Variants in PAK5 observed in about 807,000 individuals in gnomAD.
PAK5 encodes serine/threonine-protein kinase PAK 5.
In PAK5, 16 loss-of-function variants were observed where a neutral mutation model predicts 65.9. The ratio of observed to expected loss-of-function variants is 0.24; its 90% confidence interval spans 0.16 to 0.37. PAK5 has a LOEUF of 0.37. Among genes scored for constraint, PAK5 ranks in the 10% least tolerant of loss-of-function variants. The probability of loss-of-function intolerance (pLI) is 1.00; values close to 1 mark genes in which losing one functional copy is unlikely to be tolerated. For missense variants in PAK5, 785 were observed against 903.9 expected (o/e 0.87, Z 1.69); for synonymous variants, 371 against 354.9 (o/e 1.05, Z -0.51).
chr20:9,687,308 T>C (rs2423421), intron 2 of PAK5, among the ~76,000 whole-genome samples: 54,628 of 152,186 alleles, frequency 0.36, 11,947 homozygotes, highest in African/African-American at 0.62. Context: ...TTCTCATTTT[T>C]AGGAAGCTTG....
chr20:9,571,171 G>C (rs1291053651), intron 4 of PAK5, among the ~76,000 whole-genome samples: 1 of 152,304 alleles, frequency 6.6e-6, no homozygotes, highest in South Asian at 2.1e-4. Flanking sequence ...TCAAGTGAGG[G>C]GACATGTAGT....
At chr20:9,539,874 G>T (rs1400301414) in intron 9 of PAK5, among the ~76,000 whole-genome samples, 1 of 152,194 alleles carries the variant, frequency 6.6e-6, no homozygotes, top group Non-Finnish European at 1.5e-5. Flanking sequence ...TAAAATAACA[G>T]TGGCAATCAC....
At chr20:9,692,153 A>G (rs1170212179) in intron 2 of PAK5, among the ~76,000 whole-genome samples, 1 of 152,180 alleles carries the variant, frequency 6.6e-6, no homozygotes, top group Non-Finnish European at 1.5e-5. Flanking sequence ...GTACTTGAGC[A>G]TAGTCAGAAT....
Position 9,542,682 on chromosome 20 carries a change from C to T in PAK5, c.1908G>A (p.Met636Ile), listed in dbSNP as rs867092977. 6.2e-7 allele frequency: 1 copy of T among 1,614,074 alleles called. No individual in the cohort carries two copies. Among genetic ancestry groups the T allele is most frequent in the Non-Finnish European group, 8.5e-7 (1 of 1,179,912 alleles). ...TGAAGTAGGGGGGCTCGCCATCAAT[C>T]ATTTCTATCACCATGATCCCGAGGG... Reference protein sequence around the residue: ...IWSLGIMVIEMIDGEPPYFNE... With the variant: ...IWSLGIMVIEIIDGEPPYFNE... The change falls in exon 9 of 10, where the codon ATG becomes ATA. Residue 636 changes from methionine to isoleucine, a missense_variant. Around this residue, in one of 4 missense-constraint regions of PAK5, gnomAD observed 110 missense variants for 107.4 expected, o/e 1.02. Transcript: ENST00000353224.
chr20:9,771,582 A>AT (rs545140358), intron 1 of PAK5, among the ~76,000 whole-genome samples: 1,384 of 109,748 alleles, frequency 0.013, 32 homozygotes, highest in South Asian at 0.045. Context: ...CAATTTTTTA[A>AT]TTTTTTTTTT....
At position 9,685,553 on chromosome 20, in the gene PAK5, C is replaced by A. The variant is rs552902496; in HGVS notation, c.-12+25733G>T. On this transcript the variant is annotated intron_variant, in intron 2 of 9. Coordinates refer to ENST00000353224, the MANE Select transcript of PAK5 (RefSeq NM_177990.4). The stretch of plus-strand genomic sequence containing the variant: ...GTGGAACAGATTTTTTCCCTCACAG[C>A]TCTCAGAAGGAACCAACCTTGCTGA... Among the ~76,000 whole-genome samples the A allele has an allele frequency of 4.6e-5, 7 of 152,256 alleles. No homozygotes were observed. In the South Asian group the frequency reaches 1.5e-3, roughly 32 times the overall value.
At chr20:9,801,114 T>C (rs1172548301) in intron 1 of PAK5, among the ~76,000 whole-genome samples, 1 of 152,138 alleles carries the variant, frequency 6.6e-6, no homozygotes, top group African/African-American at 2.4e-5. Context: ...GGTTTCCTAC[T>C]TCAATATTAC....
chr20:9,755,617 A>T (rs965492099), intron 1 of PAK5, among the ~76,000 whole-genome samples: 1 of 152,180 alleles, frequency 6.6e-6, no homozygotes, highest in Non-Finnish European at 1.5e-5. Flanking sequence ...GCATGCAGAG[A>T]TGCAAAACAC....
intron 3 of PAK5, among the ~76,000 whole-genome samples, chr20:9,617,845 A>T (rs1304944753): frequency 6.6e-6 from 1 of 152,012 alleles, no homozygotes; most frequent in Admixed American, 6.6e-5. Context: ...GTGAGCCACG[A>T]CGCCCGGCAA....
chr20:9,790,234 C>G (rs1394871555), intron 1 of PAK5, among the ~76,000 whole-genome samples: 1 of 152,036 alleles, frequency 6.6e-6, no homozygotes, highest in Non-Finnish European at 1.5e-5. Flanking sequence ...CAATACAAAC[C>G]TTATTGGTGC....
rs189942814 is a variant in PAK5, at chr20:9,827,794, G to A, written c.-162+10968C>T. ...GAGTGGCAGTGGAGACAGGGAAGGG[G>A]GCACATGCAAAAAATGTTTTTTAGG... On this transcript the variant is annotated intron_variant, in intron 1 of 9. Transcript: ENST00000353224. Among the ~76,000 whole-genome samples the A allele has an allele frequency of 8.3e-4, 125 of 149,966 alleles. 1 individual carries two copies. The Middle Eastern group carries it at 0.017, about 21-fold the overall frequency.
intron 2 of PAK5, among the ~76,000 whole-genome samples, chr20:9,710,105 A>G (rs2123484689): frequency 6.6e-6 from 1 of 152,248 alleles, no homozygotes; most frequent in Middle Eastern, 3.4e-3. Context: ...ATGCTTGACT[A>G]AGTCACTAGT....
intron 3 of PAK5, among the ~76,000 whole-genome samples, chr20:9,638,363 T>C (rs1020693070): frequency 4.6e-5 from 7 of 152,238 alleles, no homozygotes; most frequent in African/African-American, 7.2e-5. Context: ...ATGGCCTACA[T>C]GGCTAGCCCA....
chr20:9,731,740 T>A (rs938390176), intron 1 of PAK5, among the ~76,000 whole-genome samples: 4 of 152,164 alleles, frequency 2.6e-5, no homozygotes, highest in African/African-American at 9.7e-5. Flanking sequence ...GTAGAGGAAG[T>A]ATGTTAATGG....
At chr20:9,572,728 AC>A (rs1244213723) in intron 4 of PAK5, among the ~76,000 whole-genome samples, 6 of 152,232 alleles carry the variant, frequency 3.9e-5, no homozygotes, top group African/African-American at 1.4e-4. Flanking sequence ...ACCCTTGCAG[AC>A]CTTACAGCAA....
intron 1 of PAK5, among the ~76,000 whole-genome samples, chr20:9,822,143 G>T (rs975367732): frequency 6.6e-6 from 1 of 152,018 alleles, no homozygotes; most frequent in Non-Finnish European, 1.5e-5. Flanking sequence ...CAAAAAATTA[G>T]CCAGGTGTGG....
intron 1 of PAK5, among the ~76,000 whole-genome samples, chr20:9,732,500 C>T (rs1471831679): frequency 1.3e-5 from 2 of 152,204 alleles, no homozygotes; most frequent in African/African-American, 2.4e-5. Context: ...ACATTGTTGA[C>T]ATTTTAGTCT....
At chr20:9,765,826 A>G (rs1436821768) in intron 1 of PAK5, among the ~76,000 whole-genome samples, 1 of 152,226 alleles carries the variant, frequency 6.6e-6, no homozygotes, top group African/African-American at 2.4e-5. Context: ...AGGACTTCAA[A>G]AAGTCAAAAG....
chr20:9,539,674 C>G, intron 9 of PAK5, 57 bp from the exon 10 acceptor site: 1 of 1,446,852 alleles, frequency 6.9e-7, no homozygotes, highest in East Asian at 2.3e-5. Flanking sequence ...AACCCAGTCC[C>G]CAAAATGTTT....
Sources: gnomAD v4.1 joint callset for allele counts (sites outside exome capture counted in the v4.1 genomes callset) on GRCh38, gnomAD v4.1.1 for gene constraint, gnomAD v4.1.1 regional missense constraint, MANE v1.5 for transcripts, NCBI Gene and HGNC (gene_info 2026-07-23, HGNC 2026-07-21) for gene names.